The following TMEM135 variants were observed in gnomAD, a reference collection of about 807,000 sequenced individuals.
TMEM135 encodes the protein peroxisomal membrane protein 52.
A neutral mutation model predicts 60.3 loss-of-function variants in TMEM135; 30 were observed. That is an observed-to-expected ratio of 0.50 (90% confidence interval 0.37 to 0.68). TMEM135 has a LOEUF of 0.68. TMEM135 is among the 30% of genes least tolerant of loss of function. The pLI is 0.00. For missense variants in TMEM135, 468 were observed against 548.8 expected, an observed-to-expected ratio of 0.85 and a Z score of 1.47; for synonymous variants, 190 against 186.7, an observed-to-expected ratio of 1.02 and a Z score of -0.14.
intron 6 of TMEM135, among the ~76,000 whole-genome samples, chr11:87,237,180 C>A (rs1246835751): frequency 6.6e-6 from 1 of 151,894 alleles, no homozygotes; most frequent in Non-Finnish European, 1.5e-5. Flanking sequence ...TGACACTGGT[C>A]TCAGGTTTGT....
chr11:87,170,570 G>T (rs1272821952), intron 5 of TMEM135, among the ~76,000 whole-genome samples: 1 of 152,146 alleles, frequency 6.6e-6, no homozygotes, highest in African/African-American at 2.4e-5. Context: ...GTTGGAGTTT[G>T]CTGGAAGTCT....
chr11:87,087,697 A>G (rs1857125660), intron 3 of TMEM135, among the ~76,000 whole-genome samples: 1 of 152,122 alleles, frequency 6.6e-6, no homozygotes, highest in South Asian at 2.1e-4. Context: ...GGCTTTTAAA[A>G]TTGGCTCTGA....
chr11:87,110,772 A>ATGTG (rs113927464), intron 4 of TMEM135, among the ~76,000 whole-genome samples: 2 of 56,064 alleles, frequency 3.6e-5, no homozygotes, highest in Non-Finnish European at 5.9e-5. Flanking sequence ...GTGTGTGTGT[A>ATGTG]TGTGTGTGTG....
At chr11:87,257,017 C>T (rs1000947746) in intron 6 of TMEM135, among the ~76,000 whole-genome samples, 7 of 152,080 alleles carry the variant, frequency 4.6e-5, no homozygotes, top group Admixed American at 2.6e-4. Flanking sequence ...CTTTGTATTT[C>T]CATATAAACC....
At chr11:87,095,458 A>G (rs1027849928) in intron 4 of TMEM135, 1 of 202,926 alleles carries the variant, frequency 4.9e-6, no homozygotes, top group Non-Finnish European at 1.1e-5. Context: ...TAGTTTGGCC[A>G]GTTCTGGAAT....
chr11:87,045,534 C>T (rs988900131), intron 1 of TMEM135, among the ~76,000 whole-genome samples: 1 of 152,120 alleles, frequency 6.6e-6, no homozygotes, highest in African/African-American at 2.4e-5. Flanking sequence ...TCTTAGTTGT[C>T]ATAGATGAGG....
intron 4 of TMEM135, among the ~76,000 whole-genome samples, chr11:87,150,773 T>A (rs1354648659): frequency 6.6e-6 from 1 of 152,192 alleles, no homozygotes; most frequent in Non-Finnish European, 1.5e-5. Context: ...ATCATTTGTT[T>A]AAGTTTGTTA....
rs1186996329 is a variant in TMEM135, at chr11:87,163,176, A to C, written c.462+5770A>C. 1.1e-4 allele frequency among the ~76,000 whole-genome samples: 14 copies of C among 129,878 alleles called. 1 individual carries two copies. In the South Asian group the frequency reaches 4.4e-3, roughly 41 times the overall value. The allele number at this position is 129,878 out of a possible 152,430, so 85.2% of individuals were successfully genotyped here. A position where few individuals can be genotyped will look rare whatever the true frequency, so the allele number is the denominator to read the frequency against. On this transcript the variant is annotated intron_variant, in intron 5 of 14. Transcript: ENST00000305494. ...AGCATTAGGTATATCTCCCAATGCT[A>C]TCCCTCCCCCCTCCCCCGACCCCAC... is the stretch of plus-strand genomic sequence containing the variant.
At position 87,230,931 on chromosome 11, in the gene TMEM135, T is replaced by C. The variant is rs182744090; in HGVS notation, c.463-5707T>C. On this transcript the variant is annotated intron_variant, in intron 5 of 14. Transcript: ENST00000305494. ...GTCATGATTTGATACCCGTGATAGA[T>C]TTGCTCTTCCAGTTGGAGAGTGGAA... Among the ~76,000 whole-genome samples the C allele has an allele frequency of 4.3e-4, 65 of 152,180 alleles. No individual in the cohort carries two copies. In the East Asian group the frequency reaches 0.012, roughly 29 times the overall value.
In TMEM135 at chr11:87,166,916, A is replaced by G. The variant is rs1402270982; in HGVS notation, c.462+9510A>G. Among the ~76,000 whole-genome samples, 3 of 152,224 alleles carry G rather than the reference A, an allele frequency of 2.0e-5. No individual in the cohort carries two copies. The East Asian group carries it at 5.8e-4, about 29-fold the overall frequency. ...TGGGCAATATGGCCATTTTCACAAT[A>G]TTACTTCTTCCTATCCATGAGCATG... On this transcript the variant is annotated intron_variant, in intron 5 of 14. Transcript: ENST00000305494.
rs558169558 is a variant in TMEM135, at chr11:87,072,050, G to A, written c.362+435G>A. Among the ~76,000 whole-genome samples the A allele has an allele frequency of 2.4e-4, 37 of 152,150 alleles. 2 individuals carry two copies. In the South Asian group the frequency reaches 7.5e-3, roughly 31 times the overall value. On this transcript the variant is annotated intron_variant, in intron 3 of 14. Transcript: ENST00000305494. ...AAAAAAAATACAAAGAATATTAGCT[G>A]GATGTGATGATGTACTCTTGTAGTC...
chr11:87,278,768 G>C (rs1225515869), intron 6 of TMEM135, among the ~76,000 whole-genome samples: 1 of 151,928 alleles, frequency 6.6e-6, no homozygotes, highest in African/African-American at 2.4e-5. Context: ...TTTGACAAAT[G>C]TAACCACCCC....
intron 6 of TMEM135, among the ~76,000 whole-genome samples, chr11:87,250,961 A>G (rs1476164476): frequency 8.5e-5 from 13 of 152,184 alleles, no homozygotes; most frequent in Admixed American, 7.2e-4. Flanking sequence ...AACTTATGGC[A>G]ATGATACGGT....
intron 6 of TMEM135, among the ~76,000 whole-genome samples, chr11:87,247,843 G>A (rs117513322): frequency 0.011 from 1,610 of 152,080 alleles, 11 homozygotes; most frequent in South Asian, 0.029. Flanking sequence ...TTCGGCTTGC[G>A]TATGTTGCCC....
At chr11:87,111,047 C>T (rs184012699) in intron 4 of TMEM135, among the ~76,000 whole-genome samples, 1 of 152,052 alleles carries the variant, frequency 6.6e-6, no homozygotes, top group Non-Finnish European at 1.5e-5. Context: ...TAACTGTAGA[C>T]AAAATAAGTC....
At chr11:87,062,609 C>T (rs1277697168) in intron 1 of TMEM135, among the ~76,000 whole-genome samples, 2 of 151,386 alleles carry the variant, frequency 1.3e-5, no homozygotes, top group Non-Finnish European at 2.9e-5. Flanking sequence ...GGATTACAGG[C>T]GCCTGCCACT....
intron 5 of TMEM135, among the ~76,000 whole-genome samples, chr11:87,161,552 C>A (rs571199094): frequency 1.3e-5 from 2 of 152,108 alleles, no homozygotes; most frequent in African/African-American, 4.8e-5. Context: ...TTTAACAATT[C>A]TTTACCATAG....
At chr11:87,218,197 A>C (rs1591111848) in intron 5 of TMEM135, among the ~76,000 whole-genome samples, 1 of 152,272 alleles carries the variant, frequency 6.6e-6, no homozygotes, top group East Asian at 1.9e-4. Context: ...CCCAGACAAC[A>C]AATAATTTAT....
intron 4 of TMEM135, among the ~76,000 whole-genome samples, chr11:87,101,576 GT>G (rs1198775478): frequency 1.3e-5 from 2 of 152,152 alleles, no homozygotes; most frequent in Non-Finnish European, 2.9e-5. Context: ...AAACATACAT[GT>G]AATGTATGTT....
Sources: allele counts gnomAD v4.1 joint callset (sites outside exome capture counted in the v4.1 genomes callset), GRCh38; gene constraint gnomAD v4.1.1; transcripts MANE v1.5; gene names NCBI Gene and HGNC (gene_info 2026-07-23, HGNC 2026-07-21).